The following NLRP2 variants were observed in gnomAD, a reference collection of about 807,000 sequenced individuals.
NLRP2 encodes NACHT, LRR and PYD domains-containing protein 2.
A neutral mutation model predicts 97.2 loss-of-function variants in NLRP2; 107 were observed. That is an observed-to-expected ratio of 1.10 (90% confidence interval 0.94 to 1.29). The LOEUF (loss-of-function observed/expected upper bound fraction) is 1.29. NLRP2 is among the 50% of genes most tolerant of loss of function. NLRP2 has a pLI of 0.00. For missense variants in NLRP2, 1,495 were observed against 1,330.3 expected (o/e 1.12, Z -1.93); for synonymous variants, 663 against 551.5 (o/e 1.20, Z -2.83).
intron 2 of NLRP2, among the ~76,000 whole-genome samples, chr19:54,972,586 C>T (rs1389646447): frequency 6.6e-6 from 1 of 151,864 alleles, no homozygotes; most frequent in Non-Finnish European, 1.5e-5. Flanking sequence ...GCAATCCTAC[C>T]ACTATGGCCT....
At chr19:54,993,997 T>C in intron 10 of NLRP2, 1 of 548,698 alleles carries the variant, frequency 1.8e-6, no homozygotes, top group East Asian at 3.2e-5. Context: ...TCCCTGTGAT[T>C]GCTGGACCTA....
At chr19:54,977,706 A>T in intron 3 of NLRP2, 46 bp from the exon 4 acceptor site, 1 of 1,596,316 alleles carries the variant, frequency 6.3e-7, no homozygotes, top group Non-Finnish European at 8.6e-7. Flanking sequence ...TTGGAGTCCC[A>T]CTGCCAGCAC....
At chr19:54,993,874 C>T in intron 10 of NLRP2, 1 of 300,786 alleles carries the variant, frequency 3.3e-6, no homozygotes, top group Non-Finnish European at 6.4e-6. Context: ...CACCTGCATT[C>T]CTTGGCTTGT....
Position 54,975,106 on chromosome 19 carries a change from GTTTTTTTTTTTTTTTT to G in NLRP2, c.325+584_325+599del, listed in dbSNP as rs558518586. Among the ~76,000 whole-genome samples the G allele has an allele frequency of 8.9e-3, 525 of 58,698 alleles. 21 individuals are homozygous for G. In the Admixed American group the frequency reaches 0.098, roughly 11 times the overall value. 38.5% of individuals were successfully genotyped at this position (58,698 alleles called of 152,430 possible). A position where few individuals can be genotyped will look rare whatever the true frequency, so the allele number is the denominator to read the frequency against. ...ATGAGCCACCACCACACCCGGTTTT[GTTTTTTTTTTTTTTTT>G]TTTTTTTTTTTTTTTTTTTTTGAAA... On this transcript the variant is annotated intron_variant, in intron 3 of 12. Coordinates refer to ENST00000448584, the MANE Select transcript of NLRP2 (RefSeq NM_017852.5).
At chr19:54,988,308 C>G (rs2072232066) in intron 8 of NLRP2, among the ~76,000 whole-genome samples, 1 of 151,922 alleles carries the variant, frequency 6.6e-6, no homozygotes, top group Non-Finnish European at 1.5e-5. Flanking sequence ...TTCTTTTTTT[C>G]TCAAGATATA....
chr19:54,968,701 C>CTTTTTTTTTTTTTTTTTTTTTTTTTTTTT (rs61212213), intron 1 of NLRP2, among the ~76,000 whole-genome samples: 6 of 114,340 alleles, frequency 5.2e-5, no homozygotes, highest in African/African-American at 1.5e-4. Context: ...ATCTTTAAGC[C>CTTTTTTTTTTTTTTTTTTTTTTTTTTTTT]TTTTTTTTTT....
intron 12 of NLRP2, among the ~76,000 whole-genome samples, chr19:55,000,246 C>T (rs908715043): frequency 4.4e-5 from 6 of 136,614 alleles, no homozygotes; most frequent in African/African-American, 1.7e-4. Context: ...CACTGCACTC[C>T]AGCTTGGGCA....
chr19:54,984,526 A>G (rs538631182), intron 6 of NLRP2, among the ~76,000 whole-genome samples: 1 of 87,930 alleles, frequency 1.1e-5, no homozygotes, highest in Non-Finnish European at 2.1e-5. Context: ...TCTTTTTCCC[A>G]GGTCGGAGTG....
intron 8 of NLRP2, among the ~76,000 whole-genome samples, chr19:54,987,385 A>G (rs2072167113): frequency 6.6e-6 from 1 of 152,138 alleles, no homozygotes; most frequent in Admixed American, 6.6e-5. Context: ...TGCCCAGGCG[A>G]TGAGAACCTA....
intron 6 of NLRP2, among the ~76,000 whole-genome samples, chr19:54,984,327 G>GTGTGTGTTGTTTTTTTTT (rs1203056319): frequency 2.3e-5 from 1 of 43,350 alleles, no homozygotes; most frequent in Non-Finnish European, 4.2e-5. Context: ...GTTTTTTTTT[G>GTGTGTGTTGTTTTTTTTT]TGTTTTTTTT....
chr19:54,979,122 C>T (rs1179642761), intron 4 of NLRP2, among the ~76,000 whole-genome samples: 1 of 151,694 alleles, frequency 6.6e-6, no homozygotes, highest in East Asian at 2.0e-4. Context: ...GGTGCTGGGA[C>T]TATAGGTGCC....
intron 8 of NLRP2, among the ~76,000 whole-genome samples, chr19:54,988,831 G>T (rs2072268608): frequency 1.3e-5 from 2 of 150,886 alleles, no homozygotes; most frequent in Middle Eastern, 6.8e-3. Flanking sequence ...CATTTCTTAT[G>T]AATTTATTCT....
chr19:54,982,771 G>C lies in NLRP2; in HGVS notation c.1073G>C (p.Gly358Ala), dbSNP rs145871372. Residue 358 changes from glycine (G) to alanine (A), a missense_variant, in exon 6 of 13, where the codon GGC becomes GCC. By Grantham distance (60) the Gly-to-Ala change is moderately conservative. Transcript: ENST00000448584. The stretch of plus-strand genomic sequence containing the variant: ...GAGCCGATCTACATAAGGGTGGAGG[G>C]CTTCCTGGAGGAGGACAGGAGGGCC... Reference protein sequence around the residue: ...AEEPIYIRVEGFLEEDRRAYF... With the variant: ...AEEPIYIRVEAFLEEDRRAYF... The C allele has an allele frequency of 6.2e-7, 1 of 1,614,164 alleles. No individual in the cohort carries two copies. The highest frequency in any genetic ancestry group is 8.5e-7 in the Non-Finnish European group (1 of 1,180,024).
Position 54,990,026 on chromosome 19 carries a change from G to A in NLRP2, c.2371G>A (p.Val791Met), listed in dbSNP as rs779498980. 4 of 1,613,780 alleles carry A rather than the reference G, an allele frequency of 2.5e-6. No individual in the cohort carries two copies. In the African/African-American group the frequency reaches 4.0e-5, roughly 16 times the overall value. Residue 791 changes from valine to methionine, a missense_variant, in exon 9 of 13, where the codon GTG becomes ATG. Physicochemically the swap from Val to Met is conservative, Grantham distance 21. Transcript: ENST00000448584. ...GTGGTCCTATTTCTCCCACAGGTTG[G>A]TGTCTTGTTCCGCTACCACTCAGCA... ...PECNLRYLGLVSCSATTQQWA... is the reference protein window; with the variant it reads ...PECNLRYLGLMSCSATTQQWA...
rs1236945894 is a variant in NLRP2 at position 54,988,832 on chromosome 19, AATTT to A, written c.2367-1186_2367-1183del. Among the ~76,000 whole-genome samples, 3 of 151,764 alleles carry A rather than the reference AATTT, an allele frequency of 2.0e-5. No homozygotes were observed. In the East Asian group the frequency reaches 5.9e-4, roughly 30 times the overall value. On this transcript the variant is annotated intron_variant, in intron 8 of 12. Transcript: ENST00000448584. ...TGTGCCCAGCCACTCATTTCTTATG[AATTT>A]ATTCTAACACATTTTCCGGATGAAC...
At chr19:54,980,107 G>A (rs969068549) in intron 4 of NLRP2, among the ~76,000 whole-genome samples, 1 of 151,924 alleles carries the variant, frequency 6.6e-6, no homozygotes, top group Admixed American at 6.6e-5. Context: ...ATTTCGGTGC[G>A]ACTTGGGGTA....
At chr19:54,997,036 T>G (rs2072866304) in intron 11 of NLRP2, among the ~76,000 whole-genome samples, 1 of 152,118 alleles carries the variant, frequency 6.6e-6, no homozygotes, top group South Asian at 2.1e-4. Context: ...GCCTCCTGAG[T>G]AGCTGGGATT....
At chr19:54,975,134 T>TGG in intron 3 of NLRP2, among the ~76,000 whole-genome samples, 17 of 36,648 alleles carry the variant, frequency 4.6e-4, no homozygotes, top group Non-Finnish European at 6.5e-4. Flanking sequence ...TTTTTTTTTT[T>TGG]TTTTTTTTTG....
intron 3 of NLRP2, chr19:54,976,919 A>G (rs775897): frequency 0.058 from 22,860 of 395,542 alleles, 1,038 homozygotes; most frequent in African/African-American, 0.12. Flanking sequence ...GGTTCAAGCA[A>G]TTCCCTTGCC....
Sources: gnomAD v4.1 joint callset for allele counts (sites outside exome capture counted in the v4.1 genomes callset) on GRCh38, gnomAD v4.1.1 for gene constraint, MANE v1.5 for transcripts, NCBI Gene and HGNC (gene_info 2026-07-23, HGNC 2026-07-21) for gene names.